The following LRP1B variants were observed in gnomAD, a reference collection of about 807,000 sequenced individuals.
The protein encoded by LRP1B is LDL receptor related protein 1B.
Under a neutral mutation model 556.6 loss-of-function variants are expected in LRP1B, and 217 were observed. That is an observed-to-expected ratio of 0.39 (90% CI 0.35 to 0.44). The LOEUF is 0.44. Ranked by LOEUF, LRP1B falls within the 20% of genes least tolerant of loss-of-function variation. The pLI is 1.00. For synonymous variants in LRP1B, 2,047 were observed against 1,865.8 expected, an observed-to-expected ratio of 1.10 and a Z score of -2.50; for missense variants, 5,053 against 5,620.8, an observed-to-expected ratio of 0.90 and a Z score of 3.23.
rs140725869 is a variant in LRP1B at position 141,019,049 on chromosome 2, C to T, written c.1970+873G>A. On this transcript the variant is annotated intron_variant, in intron 12 of 90. Coordinates refer to ENST00000389484, the MANE Select transcript of LRP1B (RefSeq NM_018557.3). ...TATGTAAGCCATGGAAGGAAAAACA[C>T]TCCAAAAAACTATACATGTAAAACA... Among the ~76,000 whole-genome samples the T allele has an allele frequency of 2.0e-4, 30 of 152,098 alleles. No individual in the cohort carries two copies. In the East Asian group the frequency reaches 5.4e-3, roughly 28 times the overall value.
chr2:140,409,552 T>G, intron 66 of LRP1B, among the ~76,000 whole-genome samples: 1 of 152,192 alleles, frequency 6.6e-6, no homozygotes, highest in Middle Eastern at 3.4e-3. Flanking sequence ...AATTAAATAT[T>G]GTTATAAGAA....
intron 6 of LRP1B, among the ~76,000 whole-genome samples, chr2:141,192,440 A>T (rs1374513508): frequency 6.6e-6 from 1 of 151,942 alleles, no homozygotes; most frequent in African/African-American, 2.4e-5. Flanking sequence ...TTTTGCTGAA[A>T]TATAACAAAG....
intron 2 of LRP1B, among the ~76,000 whole-genome samples, chr2:141,631,224 T>C (rs892729251): frequency 1.9e-4 from 29 of 152,018 alleles, no homozygotes; most frequent in African/African-American, 2.9e-4. Flanking sequence ...ACTCACTCAC[T>C]CACTATCATG....
At chr2:140,950,132 A>G in intron 20 of LRP1B, 103 bp downstream of exon 20, 1 of 829,550 alleles carries the variant, frequency 1.2e-6, no homozygotes. Flanking sequence ...ATTCTTGCCT[A>G]ATAAGCAATT....
chr2:140,850,023 AAAG>A (rs1692408373), intron 29 of LRP1B, 76 bp downstream of exon 29: 1 of 910,660 alleles, frequency 1.1e-6, no homozygotes, highest in Non-Finnish European at 1.7e-6. Flanking sequence ...AATAAAAGAG[AAAG>A]AATATAAAAG....
chr2:141,256,292 TAGAA>T (rs1684462860), intron 3 of LRP1B, among the ~76,000 whole-genome samples: 1 of 151,250 alleles, frequency 6.6e-6, no homozygotes, highest in East Asian at 2.0e-4. Flanking sequence ...AGAAAGTAAA[TAGAA>T]AGACCTGAAA....
chr2:140,893,877 G>C (rs1343336213), intron 23 of LRP1B, among the ~76,000 whole-genome samples: 2 of 152,172 alleles, frequency 1.3e-5, no homozygotes, highest in Non-Finnish European at 2.9e-5. Context: ...CATTACTCAT[G>C]ATGAAAATAG....
At chr2:141,494,710 C>A (rs1340790519) in intron 2 of LRP1B, among the ~76,000 whole-genome samples, 1 of 149,884 alleles carries the variant, frequency 6.7e-6, no homozygotes, top group African/African-American at 2.5e-5. Flanking sequence ...CATCTACTGG[C>A]AATAGTAATT....
intron 53 of LRP1B, among the ~76,000 whole-genome samples, chr2:140,506,594 C>T (rs1257911281): frequency 6.6e-6 from 1 of 152,144 alleles, no homozygotes; most frequent in Non-Finnish European, 1.5e-5. Flanking sequence ...AAATATACTG[C>T]AAACAGGTAT....
chr2:141,647,692 A>C (rs1384159156), intron 2 of LRP1B, among the ~76,000 whole-genome samples: 1 of 131,944 alleles, frequency 7.6e-6, no homozygotes, highest in Non-Finnish European at 1.6e-5. Flanking sequence ...AGAACAGGGA[A>C]TAACCTTCTA....
intron 2 of LRP1B, among the ~76,000 whole-genome samples, chr2:141,773,297 A>T (rs1375665886): frequency 6.6e-6 from 1 of 152,208 alleles, no homozygotes; most frequent in Admixed American, 6.5e-5. Context: ...TAAAAATTTA[A>T]CTTGTTAATG....
At chr2:141,075,353 C>T (rs1270550842) in intron 7 of LRP1B, among the ~76,000 whole-genome samples, 2 of 152,270 alleles carry the variant, frequency 1.3e-5, no homozygotes, top group East Asian at 1.9e-4. Context: ...TTAATTTTCA[C>T]ATACTATATT....
At chr2:141,808,027 T>C (rs867025963) in intron 2 of LRP1B, among the ~76,000 whole-genome samples, 14 of 152,062 alleles carry the variant, frequency 9.2e-5, no homozygotes, top group African/African-American at 3.1e-4. Context: ...AGGTTACTAG[T>C]GCCCCATTTA....
At chr2:141,396,552 T>G (rs73963071) in intron 3 of LRP1B, among the ~76,000 whole-genome samples, 3,991 of 152,272 alleles carry the variant, frequency 0.026, 174 homozygotes, top group African/African-American at 0.091. Context: ...ACTGAAAGAC[T>G]AAGCTAAAAT....
chr2:140,771,956 T>C (rs1244968022), intron 33 of LRP1B, among the ~76,000 whole-genome samples: 2 of 152,184 alleles, frequency 1.3e-5, no homozygotes, highest in Non-Finnish European at 2.9e-5. Flanking sequence ...GAATTCAAGA[T>C]GGTCTGATGA....
At chr2:141,314,538 T>G (rs1191432494) in intron 3 of LRP1B, among the ~76,000 whole-genome samples, 1 of 151,970 alleles carries the variant, frequency 6.6e-6, no homozygotes, top group Non-Finnish European at 1.5e-5. Context: ...ACGCCTGTAA[T>G]CCCAGCACTC....
Position 141,987,549 on chromosome 2 carries a change from GT to G in LRP1B, c.82+143098del, listed in dbSNP as rs5834887. Among the ~76,000 whole-genome samples the G allele has an allele frequency of 2.2e-3, 309 of 139,978 alleles. 2 individuals carry two copies. The highest frequency in any genetic ancestry group is 7.4e-3 in the Middle Eastern group (2 of 272). 91.8% of individuals were successfully genotyped at this position (139,978 alleles called of 152,430 possible). A position where few individuals can be genotyped will look rare whatever the true frequency, so the allele number is the denominator to read the frequency against. ...ACCGGTTGGGATGCTGATTTAAGCT[GT>G]TTTTTTTTTTTTTCTTTCTTTTTTC... On this transcript the variant is annotated intron_variant, in intron 1 of 90. Transcript: ENST00000389484.
chr2:140,695,925 T>C (rs1022122156), intron 41 of LRP1B, among the ~76,000 whole-genome samples: 2 of 152,222 alleles, frequency 1.3e-5, no homozygotes, highest in Non-Finnish European at 2.9e-5. Context: ...TCTATGTGAA[T>C]TGGGAAGTTA....
chr2:141,840,474 G>T (rs1224571487), intron 1 of LRP1B, among the ~76,000 whole-genome samples: 2 of 151,764 alleles, frequency 1.3e-5, no homozygotes, highest in Non-Finnish European at 2.9e-5. Context: ...AGCCAGGATG[G>T]TCTCTGTCTC....
Sources: gnomAD v4.1 joint callset for allele counts (sites outside exome capture counted in the v4.1 genomes callset) on GRCh38, gnomAD v4.1.1 for gene constraint, MANE v1.5 for transcripts, NCBI Gene and HGNC (gene_info 2026-07-23, HGNC 2026-07-21) for gene names.